Variants in PALM2AKAP2 observed in about 807,000 individuals in gnomAD.
PALM2AKAP2 encodes PALM2-AKAP2 fusion protein.
A neutral mutation model predicts 71.5 loss-of-function variants in PALM2AKAP2; 37 were observed. The ratio of observed to expected loss-of-function variants is 0.52; its 90% CI spans 0.40 to 0.68. The LOEUF is 0.68. Among genes scored for constraint, PALM2AKAP2 ranks in the 30% least tolerant of loss-of-function variants. The probability of loss-of-function intolerance (pLI) is 0.00; values close to 1 mark genes in which losing one functional copy is unlikely to be tolerated. For missense variants in PALM2AKAP2, 1,224 were observed against 1,191.8 expected, an observed-to-expected ratio of 1.03 and a Z score of -0.40; for synonymous variants, 468 against 478.8, an observed-to-expected ratio of 0.98 and a Z score of 0.29.
chr9:109,667,904 A>G (rs375060404), intron 1 of PALM2AKAP2, among the ~76,000 whole-genome samples: 1 of 151,746 alleles, frequency 6.6e-6, no homozygotes, highest in African/African-American at 2.4e-5. Context: ...ATTATTGGGA[A>G]TACCTTTGAA....
At chr9:110,016,217 G>A (rs1564261711) in intron 7 of PALM2AKAP2, among the ~76,000 whole-genome samples, 178 bp downstream of exon 7, 11 of 152,068 alleles carry the variant, frequency 7.2e-5, no homozygotes. Context: ...TTTGGGATCT[G>A]GTCTACAGCC....
chr9:110,012,598 A>G (rs917639020), intron 6 of PALM2AKAP2, among the ~76,000 whole-genome samples: 2 of 152,236 alleles, frequency 1.3e-5, no homozygotes, highest in Non-Finnish European at 2.9e-5. Context: ...TTAAAATGTT[A>G]TTACTAAAAC....
intron 1 of PALM2AKAP2, among the ~76,000 whole-genome samples, chr9:109,746,579 T>A (rs1021316061): frequency 6.6e-6 from 1 of 152,072 alleles, no homozygotes; most frequent in African/African-American, 2.4e-5. Context: ...ATTAGAACCA[T>A]AAAGAAGTGT....
chr9:110,003,213 G>A (rs1018561182), intron 6 of PALM2AKAP2, among the ~76,000 whole-genome samples: 2 of 152,102 alleles, frequency 1.3e-5, no homozygotes, highest in Non-Finnish European at 2.9e-5. Flanking sequence ...ATGTGTCCCA[G>A]AGATTCTGGT....
intron 1 of PALM2AKAP2, among the ~76,000 whole-genome samples, chr9:109,685,231 A>G (rs549106103): frequency 1.3e-5 from 2 of 152,294 alleles, no homozygotes; most frequent in South Asian, 4.1e-4. Context: ...TGGAAATCCC[A>G]TGACTGTGTA....
At chr9:109,880,705 A>C (rs1289796856) in intron 3 of PALM2AKAP2, 24 bp downstream of exon 3, 1 of 1,611,746 alleles carries the variant, frequency 6.2e-7, no homozygotes, top group East Asian at 2.2e-5. Flanking sequence ...AGCCCAGGGA[A>C]CCCATGCTAC....
intron 1 of PALM2AKAP2, among the ~76,000 whole-genome samples, chr9:109,665,190 C>T (rs183178530): frequency 7.9e-5 from 12 of 152,310 alleles, no homozygotes; most frequent in Non-Finnish European, 1.6e-4. Context: ...CTTCTGTCAA[C>T]TCGTCAAAGT....
chr9:109,671,629 A>G (rs2118491503), intron 1 of PALM2AKAP2, among the ~76,000 whole-genome samples: 1 of 152,298 alleles, frequency 6.6e-6, no homozygotes, highest in East Asian at 1.9e-4. Flanking sequence ...AGTTCTGTGG[A>G]GAATATCAAT....
At chr9:109,834,160 C>A (rs1423666905) in intron 1 of PALM2AKAP2, among the ~76,000 whole-genome samples, 3 of 152,206 alleles carry the variant, frequency 2.0e-5, no homozygotes, top group African/African-American at 7.2e-5. Context: ...TTGCAGTGAG[C>A]CAAGATCACA....
chr9:109,691,195 A>ACACT, intron 1 of PALM2AKAP2, among the ~76,000 whole-genome samples: 1 of 151,430 alleles, frequency 6.6e-6, no homozygotes, highest in East Asian at 1.9e-4. Flanking sequence ...ACACACACAC[A>ACACT]CACACACACA....
chr9:109,698,272 ATTTTTTTTTTT>A (rs774359983), intron 1 of PALM2AKAP2, among the ~76,000 whole-genome samples: 1 of 118,566 alleles, frequency 8.4e-6, no homozygotes, highest in Non-Finnish European at 1.7e-5. Flanking sequence ...TGTGTGCTAC[ATTTTTTTTTTT>A]TTTTTTTTTT....
At chr9:109,928,047 A>C (rs573306823) in intron 5 of PALM2AKAP2, among the ~76,000 whole-genome samples, 1 of 152,294 alleles carries the variant, frequency 6.6e-6, no homozygotes, top group East Asian at 1.9e-4. Context: ...CAAAACCTTC[A>C]TACCAGTTAT....
At chr9:110,080,781 C>A (rs138170995) in intron 1 of PALM2AKAP2, among the ~76,000 whole-genome samples, 2 of 152,052 alleles carry the variant, frequency 1.3e-5, no homozygotes. Flanking sequence ...CGGGTTCAAG[C>A]GATTCTCCTG....
At chr9:110,010,665 C>G (rs954246167) in intron 6 of PALM2AKAP2, among the ~76,000 whole-genome samples, 1 of 146,736 alleles carries the variant, frequency 6.8e-6, no homozygotes, top group African/African-American at 2.5e-5. Flanking sequence ...TTATAGAATA[C>G]TTAAATATAT....
intron 6 of PALM2AKAP2, among the ~76,000 whole-genome samples, chr9:109,949,026 C>T (rs938322882): frequency 6.6e-6 from 1 of 152,246 alleles, no homozygotes; most frequent in African/African-American, 2.4e-5. Context: ...CACTCCTACC[C>T]AGCCTTCTTC....
intron 6 of PALM2AKAP2, among the ~76,000 whole-genome samples, chr9:109,952,078 ATGGCCAGATAGTTT>A (rs1431535769): frequency 6.6e-6 from 1 of 152,230 alleles, no homozygotes; most frequent in Non-Finnish European, 1.5e-5. Flanking sequence ...TTTTCAATAA[ATGGCCAGATAGTTT>A]TGGCTTTGTG....
At chr9:110,017,571 C>T (rs1186595133) in intron 7 of PALM2AKAP2, among the ~76,000 whole-genome samples, 1 of 152,172 alleles carries the variant, frequency 6.6e-6, no homozygotes. Flanking sequence ...GATTTGTTAT[C>T]TCAAAATCTG....
At chr9:109,769,206 A>G (rs1829214664) in intron 1 of PALM2AKAP2, among the ~76,000 whole-genome samples, 1 of 152,194 alleles carries the variant, frequency 6.6e-6, no homozygotes, top group South Asian at 2.1e-4. Context: ...AAGTGTACCT[A>G]TGCACATTAT....
At chr9:110,035,109 A>G (rs1474623104) in intron 7 of PALM2AKAP2, among the ~76,000 whole-genome samples, 1 of 150,536 alleles carries the variant, frequency 6.6e-6, no homozygotes, top group East Asian at 1.9e-4. Flanking sequence ...GGGAAAATCT[A>G]GTATGTTTAG....
Sources: allele counts gnomAD v4.1 joint callset (sites outside exome capture counted in the v4.1 genomes callset), GRCh38; gene constraint gnomAD v4.1.1; transcripts MANE v1.5; gene names NCBI Gene and HGNC (gene_info 2026-07-23, HGNC 2026-07-21).